Variants in BTG3 observed in about 807,000 individuals in gnomAD.
The protein encoded by BTG3 is protein BTG3.
BTG3 carries 4 observed loss-of-function variants against 25.8 expected under a neutral mutation model. The ratio of observed to expected loss-of-function variants is 0.16; its 90% CI spans 0.08 to 0.36. The LOEUF (loss-of-function observed/expected upper bound fraction) is 0.36. Ranked by LOEUF, BTG3 falls within the 10% of genes least tolerant of loss-of-function variation. BTG3 has a pLI of 1.00. For missense variants in BTG3, 201 were observed against 304.9 expected, an observed-to-expected ratio of 0.66 and a Z score of 2.54; for synonymous variants, 107 against 99.9, an observed-to-expected ratio of 1.07 and a Z score of -0.42.
intron 1 of BTG3, 110 bp downstream of exon 1, chr21:17,612,589 T>C (rs2061748983): frequency 2.0e-5 from 3 of 149,852 alleles, no homozygotes; most frequent in Admixed American, 6.6e-5. Context: ...CTGTCCCCGG[T>C]GCGCCGCCCG....
At chr21:17,605,124 G>A (rs1342465342) in intron 2 of BTG3, 127 bp from the exon 3 acceptor site, 1 of 1,068,048 alleles carries the variant, frequency 9.4e-7, no homozygotes, top group Non-Finnish European at 1.3e-6. Context: ...AGAGAACCTA[G>A]GAGCATATCT....
At chr21:17,600,134 G>C (rs913853097) in intron 3 of BTG3, among the ~76,000 whole-genome samples, 1 of 151,522 alleles carries the variant, frequency 6.6e-6, no homozygotes, top group Admixed American at 6.6e-5. Flanking sequence ...ATATGCTGCT[G>C]GTTACTTAAA....
intron 3 of BTG3, chr21:17,604,020 G>A: frequency 1.3e-6 from 1 of 742,744 alleles, no homozygotes; most frequent in South Asian, 3.4e-5. Context: ...AATGGTTTTT[G>A]AGCAAGTGGA....
chr21:17,598,678 G>T lies in BTG3; in HGVS notation c.458C>A (p.Thr153Lys), dbSNP rs772247883. 1 of 1,614,048 alleles carries T rather than the reference G, an allele frequency of 6.2e-7. No individual in the cohort carries two copies. The highest frequency in any genetic ancestry group is 8.5e-7 in the Non-Finnish European group (1 of 1,180,008). ...HSGSSSSDEETSKEMEVKPSS... is the reference protein window; with the variant it reads ...HSGSSSSDEEKSKEMEVKPSS... Reference sequence around the variant, plus strand: ...GGGTTTCACTTCCATTTCCTTACTTGTTTCTTCATCTGAAGAAGAGGATCC... The same window carrying T: ...GGGTTTCACTTCCATTTCCTTACTTTTTTCTTCATCTGAAGAAGAGGATCC... Residue 153 changes from threonine (T) to lysine (K), a missense_variant, in exon 4 of 5, where the codon ACA becomes AAA. Coordinates refer to ENST00000348354, the MANE Select transcript of BTG3 (RefSeq NM_006806.5).
At chr21:17,604,749 A>T in intron 3 of BTG3, 111 bp downstream of exon 3, 1 of 1,325,794 alleles carries the variant, frequency 7.5e-7, no homozygotes, top group Non-Finnish European at 1.0e-6. Flanking sequence ...TGAGAGAGTT[A>T]AACCACCAGC....
intron 4 of BTG3, among the ~76,000 whole-genome samples, chr21:17,595,309 A>T (rs189639642): frequency 1.2e-3 from 178 of 152,126 alleles, no homozygotes; most frequent in Middle Eastern, 3.4e-3. Flanking sequence ...GGATTTTTTT[A>T]AAAAAATTAT....
At chr21:17,610,174 A>C (rs926263613) in intron 1 of BTG3, among the ~76,000 whole-genome samples, 3 of 152,210 alleles carry the variant, frequency 2.0e-5, no homozygotes, top group Non-Finnish European at 4.4e-5. Context: ...GAAGTGGGAA[A>C]CCAAGAAAAG....
intron 2 of BTG3, among the ~76,000 whole-genome samples, chr21:17,607,145 A>G (rs2061654498): frequency 1.3e-5 from 2 of 152,226 alleles, no homozygotes; most frequent in Non-Finnish European, 2.9e-5. Context: ...CAGTAATGAT[A>G]CTTCTGATCA....
rs2061752023 is a variant in BTG3, at chr21:17,612,715, G to A, written c.-25C>T. The A allele has an allele frequency of 1.3e-5, 2 of 153,122 alleles. No homozygotes were observed. The highest frequency in any genetic ancestry group is 2.9e-5 in the Non-Finnish European group (2 of 68,830). The allele number at this position is 153,122 out of a possible 1,614,324, so 9.5% of individuals were successfully genotyped here. On this transcript the variant is annotated 5_prime_UTR_variant, in exon 1 of 5. Transcript: ENST00000348354. ...TCTCCTCACCGCCGCTGCCGCCGCC[G>A]CTCTTCGGCCGGAGATTCGGCGGCC... is the stretch of plus-strand genomic sequence containing the variant.
chr21:17,601,096 G>A (rs1293417311), intron 3 of BTG3, among the ~76,000 whole-genome samples: 1 of 152,052 alleles, frequency 6.6e-6, no homozygotes, highest in Non-Finnish European at 1.5e-5. Flanking sequence ...CTGGGAGGCA[G>A]AGGTTGCAGT....
chr21:17,594,254 C>T lies in BTG3; in HGVS notation c.598G>A (p.Gly200Ser), dbSNP rs147482425. Residue 200 changes from glycine to serine, a missense_variant, in exon 5 of 5, where the codon GGC (glycine) becomes AGC (serine). By Grantham distance (56) the Gly-to-Ser change is moderately conservative. Coordinates refer to ENST00000348354, the MANE Select transcript of BTG3 (RefSeq NM_006806.5). ...RKKPGMYRGN[G>S]HQNHYPPPVP... ...GGAGGAGGATAGTGATTCTGATGGCCATTCCCTCGATACATTCCTGGCTTT... is the reference window on the plus strand; with the variant it reads ...GGAGGAGGATAGTGATTCTGATGGCTATTCCCTCGATACATTCCTGGCTTT... The T allele has an allele frequency of 9.4e-5, 152 of 1,613,166 alleles. No individual in the cohort carries two copies. The highest frequency in any genetic ancestry group is 1.2e-4 in the Non-Finnish European group (147 of 1,179,444).
intron 1 of BTG3, chr21:17,611,829 T>G (rs1233548321): frequency 1.3e-5 from 2 of 152,174 alleles, no homozygotes; most frequent in Non-Finnish European, 2.9e-5. Context: ...TCGCAGGAGT[T>G]TATAACTTTT....
chr21:17,611,769 T>G (rs886697840), intron 1 of BTG3: 7 of 152,256 alleles, frequency 4.6e-5, no homozygotes, highest in Admixed American at 2.0e-4. Flanking sequence ...GCTCCTCTGC[T>G]CACGGCTGCG....
rs2061752567 is a variant in BTG3, at chr21:17,612,748, T to C, written c.-58A>G. 6.6e-6 allele frequency: 1 copy of C among 152,356 alleles called. No homozygotes were observed. Among genetic ancestry groups the C allele is most frequent in the South Asian group, 2.1e-4 (1 of 4,830 alleles). The allele number at this position is 152,356 out of a possible 1,614,324, so 9.4% of individuals were successfully genotyped here. A position where few individuals can be genotyped will look rare whatever the true frequency, so the allele number is the denominator to read the frequency against. ...GCCGGAGATTCGGCGGCCCAGACCG[T>C]GTCCTGGCCGGGAACTGAGGGCTCC... On this transcript the variant is annotated 5_prime_UTR_variant, in exon 1 of 5. Coordinates refer to ENST00000348354, the MANE Select transcript of BTG3 (RefSeq NM_006806.5).
At chr21:17,605,728 T>C (rs1387865787) in intron 2 of BTG3, among the ~76,000 whole-genome samples, 2 of 152,148 alleles carry the variant, frequency 1.3e-5, no homozygotes, top group African/African-American at 4.8e-5. Flanking sequence ...GTTTAATAAA[T>C]AAAAAATATG....
intron 3 of BTG3, among the ~76,000 whole-genome samples, chr21:17,603,087 A>G (rs931201402): frequency 7.2e-5 from 11 of 152,248 alleles, no homozygotes; most frequent in African/African-American, 2.2e-4. Flanking sequence ...TCATGGGTTA[A>G]GAAACCACAC....
At chr21:17,609,958 T>C (rs866125199) in intron 1 of BTG3, among the ~76,000 whole-genome samples, 60 of 152,216 alleles carry the variant, frequency 3.9e-4, no homozygotes, top group African/African-American at 1.4e-3. Flanking sequence ...GGACAAATAC[T>C]GTGGTATATA....
intron 3 of BTG3, among the ~76,000 whole-genome samples, chr21:17,601,572 CCTCACAACATAAAATTT>C (rs1182026236): frequency 6.6e-6 from 1 of 152,154 alleles, no homozygotes; most frequent in Non-Finnish European, 1.5e-5. Context: ...CAATTGAGTT[CCTCACAACATAAAATTT>C]GTGTTCTCTA....
rs113953380 is a variant in BTG3 at position 17,604,850 on chromosome 21, G to A, written c.311+10C>T. 7.4e-6 allele frequency: 12 copies of A among 1,611,254 alleles called. No homozygotes were observed. The highest frequency in any genetic ancestry group is 4.0e-5 in the African/African-American group (3 of 74,914). On this transcript the variant is annotated intron_variant, in intron 3 of 4. Coordinates refer to ENST00000348354, the MANE Select transcript of BTG3 (RefSeq NM_006806.5). Reference sequence around the variant, plus strand: ...GGTCATCAGTTCAGCCTCTAAACTTGAGAACTCACCGACAGCACACCTCAC... The same window carrying A: ...GGTCATCAGTTCAGCCTCTAAACTTAAGAACTCACCGACAGCACACCTCAC...
Sources: gnomAD v4.1 joint callset for allele counts (sites outside exome capture counted in the v4.1 genomes callset) on GRCh38, gnomAD v4.1.1 for gene constraint, MANE v1.5 for transcripts, NCBI Gene and HGNC (gene_info 2026-07-23, HGNC 2026-07-21) for gene names.